The following APOOL variants were observed in gnomAD, a reference collection of about 807,000 sequenced individuals.
APOOL encodes apolipoprotein O like.
Under a neutral mutation model 23.1 loss-of-function variants are expected in APOOL, and 12 were observed. That is an observed-to-expected ratio of 0.52 (90% CI 0.33 to 0.84). The LOEUF is 0.84. APOOL is among the 40% of genes least tolerant of loss of function. The pLI, the probability that APOOL is intolerant of heterozygous loss-of-function variation, is 0.02. For synonymous variants in APOOL, 77 were observed against 69.9 expected, an observed-to-expected ratio of 1.10 and a Z score of -0.51; for missense variants, 212 against 199.6, an observed-to-expected ratio of 1.06 and a Z score of -0.37.
At position 85,088,126 on chromosome X, in the gene APOOL, ATACATATT is replaced by A. The variant is rs1271680428; in HGVS notation, c.*451_*458del. On this transcript the variant is annotated 3_prime_UTR_variant, in exon 9 of 9. Transcript: ENST00000373173. ...TATTTATACATATATGTATAAATAC[ATACATATT>A]TATACATATATGTATAAATACATAC... 6 of 2,609 alleles carry A rather than the reference ATACATATT, an allele frequency of 2.3e-3. No homozygotes were observed. The highest frequency in any genetic ancestry group is 0.01 in the African/African-American group (5 of 493). The allele number at this position is 2,609 out of a possible 1,213,427, so 0.2% of individuals were successfully genotyped here.
At chrX:85,067,639 C>CACACACACACACACACACACACACAT (rs1923507357) in intron 6 of APOOL, among the ~76,000 whole-genome samples, 1 of 108,061 alleles carries the variant, frequency 9.3e-6, no homozygotes, top group Non-Finnish European at 1.9e-5. Flanking sequence ...CACACACACA[C>CACACACACACACACACACACACACAT]ACACACACAC....
rs1463270531 is a variant in APOOL, at chrX:85,054,392, G to A, written c.289G>A (p.Gly97Arg). ...KNGIMDTVQF[G>R]KDAYVYLKNP... Reference sequence around the variant, plus strand: ...TGGGATAATGGATACAGTACAATTTGGAAAAGGTAGGTGAGTAGATAATTA... The same window carrying A: ...TGGGATAATGGATACAGTACAATTTAGAAAAGGTAGGTGAGTAGATAATTA... The change falls in exon 4 of 9, where the codon GGA (glycine) becomes AGA (arginine). Residue 97 changes from glycine (G) to arginine (R), a missense_variant. Physicochemically the swap from Gly to Arg is moderately radical, Grantham distance 125. Coordinates refer to ENST00000373173, the MANE Select transcript of APOOL (RefSeq NM_198450.6). 3.4e-6 allele frequency: 4 copies of A among 1,172,537 alleles called. No individual in the cohort carries two copies. The highest frequency in any genetic ancestry group is 4.6e-6 in the Non-Finnish European group (4 of 872,164).
At chrX:85,006,443 C>T (rs1299264964) in intron 1 of APOOL, among the ~76,000 whole-genome samples, 1 of 110,469 alleles carries the variant, frequency 9.1e-6, no homozygotes, top group Non-Finnish European at 1.9e-5. Context: ...TCCACTCCTC[C>T]TTGCTTCCTC....
intron 8 of APOOL, among the ~76,000 whole-genome samples, chrX:85,075,847 CT>C (rs1206266495): frequency 9.0e-6 from 1 of 111,601 alleles, no homozygotes; most frequent in Non-Finnish European, 1.9e-5. Context: ...GCCAGTGCTA[CT>C]TACTCATTCT....
chrX:85,030,438 A>T (rs1273902722), intron 1 of APOOL, among the ~76,000 whole-genome samples: 2 of 111,406 alleles, frequency 1.8e-5, no homozygotes, highest in African/African-American at 6.5e-5. Flanking sequence ...TGACAGGTGC[A>T]CTAAAATTTC....
At chrX:85,067,714 T>A (rs1418337702) in intron 6 of APOOL, among the ~76,000 whole-genome samples, 1 of 110,349 alleles carries the variant, frequency 9.1e-6, no homozygotes, top group African/African-American at 3.3e-5. Context: ...GAAACACCTG[T>A]ATAAATGCTT....
intron 8 of APOOL, among the ~76,000 whole-genome samples, chrX:85,086,755 A>G (rs1178811639): frequency 2.2e-5 from 2 of 91,466 alleles, no homozygotes. Context: ...GTTGGAGTGC[A>G]GTGGCGCGAT....
At chrX:85,086,991 G>A (rs996855510) in intron 8 of APOOL, among the ~76,000 whole-genome samples, 8 of 111,057 alleles carry the variant, frequency 7.2e-5, no homozygotes, top group Non-Finnish European at 1.5e-4. Flanking sequence ...GAGCCACCGC[G>A]CCCGGCCGAG....
intron 1 of APOOL, among the ~76,000 whole-genome samples, chrX:85,030,080 C>A (rs923122672): frequency 8.9e-6 from 1 of 112,139 alleles, no homozygotes; most frequent in African/African-American, 3.2e-5. Context: ...GCACAACTCA[C>A]AATTGCAAAA....
chrX:85,012,941 T>C (rs966888420), intron 1 of APOOL, among the ~76,000 whole-genome samples: 4 of 112,271 alleles, frequency 3.6e-5, no homozygotes, highest in Non-Finnish European at 7.5e-5. Flanking sequence ...TTTGAGTGTC[T>C]GATACAGCTT....
chrX:85,053,163 T>C (rs1315459783), intron 3 of APOOL, among the ~76,000 whole-genome samples: 1 of 111,670 alleles, frequency 9.0e-6, no homozygotes, highest in African/African-American at 3.2e-5. Context: ...TAGGTAGCAC[T>C]GACCCCATGT....
intron 1 of APOOL, among the ~76,000 whole-genome samples, chrX:85,025,160 G>C (rs1048724203): frequency 1.8e-5 from 2 of 111,246 alleles, no homozygotes; most frequent in Non-Finnish European, 3.8e-5. Flanking sequence ...AAGGGCAAGA[G>C]AGAGAGACAG....
At chrX:85,085,461 T>C (rs1463931050) in intron 8 of APOOL, among the ~76,000 whole-genome samples, 1 of 112,067 alleles carries the variant, frequency 8.9e-6, no homozygotes, top group Non-Finnish European at 1.9e-5. Flanking sequence ...ACTAATTACT[T>C]ATGAATCTGG....
chrX:85,053,612 A>G (rs1044219923), intron 3 of APOOL, among the ~76,000 whole-genome samples: 5 of 111,493 alleles, frequency 4.5e-5, no homozygotes, highest in Non-Finnish European at 9.4e-5. Flanking sequence ...CCACGAGTAA[A>G]TCATTTTGTG....
rs780643173 is a variant in APOOL, at chrX:85,046,576, A to G, written c.120+26A>G. The G allele has an allele frequency of 6.5e-6, 7 of 1,072,136 alleles. No individual in the cohort carries two copies. In the South Asian group the frequency reaches 9.9e-5, roughly 15 times the overall value. The allele number at this position is 1,072,136 out of a possible 1,213,427, so 88.4% of individuals were successfully genotyped here. ...GTAATTTGCCTACAAAGGTTTATGAACTTTGTATAATATCAAGATGACACA... is the reference window on the plus strand; with the variant it reads ...GTAATTTGCCTACAAAGGTTTATGAGCTTTGTATAATATCAAGATGACACA... On this transcript the variant is annotated intron_variant, in intron 2 of 8. Coordinates refer to ENST00000373173, the MANE Select transcript of APOOL (RefSeq NM_198450.6).
At chrX:85,025,027 T>C (rs892830848) in intron 1 of APOOL, among the ~76,000 whole-genome samples, 2 of 112,074 alleles carry the variant, frequency 1.8e-5, no homozygotes, top group Admixed American at 1.9e-4. Flanking sequence ...AGAGGTTTAA[T>C]TGGCTCACGA....
chrX:85,084,231 G>A (rs770663560), intron 8 of APOOL, among the ~76,000 whole-genome samples: 2 of 105,520 alleles, frequency 1.9e-5, no homozygotes, highest in African/African-American at 7.0e-5. Context: ...TGCCTCCCGG[G>A]TTCAAGCGAT....
At chrX:85,031,875 G>A (rs191657496) in intron 1 of APOOL, among the ~76,000 whole-genome samples, 33 of 111,940 alleles carry the variant, frequency 2.9e-4, no homozygotes, top group Non-Finnish European at 9.4e-5. Context: ...ATTTTGTAAC[G>A]TCTGAATTCT....
chrX:85,029,807 A>G (rs747360359), intron 1 of APOOL, among the ~76,000 whole-genome samples: 9 of 112,274 alleles, frequency 8.0e-5, no homozygotes, highest in Non-Finnish European at 1.3e-4. Flanking sequence ...TAAATCCACA[A>G]TGAGCTACCA....
Sources: allele counts gnomAD v4.1 joint callset (sites outside exome capture counted in the v4.1 genomes callset), GRCh38; gene constraint gnomAD v4.1.1; transcripts MANE v1.5; gene names NCBI Gene and HGNC (gene_info 2026-07-23, HGNC 2026-07-21).